Variants in GPC6 observed in about 807,000 individuals in gnomAD.
GPC6 encodes the protein glypican-6.
GPC6 carries 14 observed loss-of-function variants against 55.2 expected under a neutral mutation model. The observed-to-expected ratio is 0.25, with a 90% CI of 0.17 to 0.40. GPC6 has a LOEUF of 0.40. Among genes scored for constraint, GPC6 ranks in the 10% least tolerant of loss-of-function variants. The pLI is 1.00. For missense variants in GPC6, 641 were observed against 708.5 expected, an observed-to-expected ratio of 0.90 and a Z score of 1.08; for synonymous variants, 278 against 259.6, an observed-to-expected ratio of 1.07 and a Z score of -0.68.
intron 6 of GPC6, among the ~76,000 whole-genome samples, chr13:94,307,903 C>A (rs1876032864): frequency 6.6e-6 from 1 of 151,900 alleles, no homozygotes; most frequent in South Asian, 2.1e-4. Context: ...TTTGTAAAAT[C>A]TAATTTAAGA....
intron 4 of GPC6, among the ~76,000 whole-genome samples, chr13:94,039,621 A>C (rs117033695): frequency 1.3e-5 from 2 of 152,048 alleles, no homozygotes; most frequent in Non-Finnish European, 2.9e-5. Flanking sequence ...GTGGGACCAA[A>C]AGTGGAAACA....
intron 4 of GPC6, among the ~76,000 whole-genome samples, chr13:94,043,278 C>G (rs993098709): frequency 6.6e-6 from 1 of 151,808 alleles, no homozygotes. Context: ...CTATGAAGCC[C>G]TGTCTCCAAA....
At chr13:93,724,515 G>T (rs964067813) in intron 2 of GPC6, among the ~76,000 whole-genome samples, 49 of 152,024 alleles carry the variant, frequency 3.2e-4, no homozygotes, top group African/African-American at 1.1e-3. Flanking sequence ...TTAATGAAGT[G>T]TTTCTAAATA....
At chr13:94,195,621 C>T (rs1420550268) in intron 4 of GPC6, among the ~76,000 whole-genome samples, 1 of 152,152 alleles carries the variant, frequency 6.6e-6, no homozygotes, top group Non-Finnish European at 1.5e-5. Context: ...CCCCATAGGA[C>T]TGTCATGAGG....
At chr13:93,875,503 C>T (rs1335333085) in intron 3 of GPC6, among the ~76,000 whole-genome samples, 1 of 152,018 alleles carries the variant, frequency 6.6e-6, no homozygotes, top group African/African-American at 2.4e-5. Flanking sequence ...TAGTCTCTAC[C>T]AGCCCACCTG....
At chr13:93,455,217 A>C (rs55888448) in intron 1 of GPC6, among the ~76,000 whole-genome samples, 32,712 of 152,052 alleles carry the variant, frequency 0.22, 3,622 homozygotes, top group Middle Eastern at 0.29. Flanking sequence ...CCTTGGCCAG[A>C]CCAGAAAGGG....
At chr13:93,341,327 G>A (rs1278989821) in intron 1 of GPC6, among the ~76,000 whole-genome samples, 1 of 152,178 alleles carries the variant, frequency 6.6e-6, no homozygotes, top group African/African-American at 2.4e-5. Context: ...TTTCCATACT[G>A]TTTTCCATAG....
At chr13:93,273,891 C>T (rs1209036306) in intron 1 of GPC6, among the ~76,000 whole-genome samples, 3 of 151,808 alleles carry the variant, frequency 2.0e-5, no homozygotes, top group African/African-American at 2.4e-5. Context: ...TCACTGCAAC[C>T]TCTGCCTCCC....
At chr13:93,911,877 G>A (rs921512167) in intron 3 of GPC6, among the ~76,000 whole-genome samples, 2 of 152,176 alleles carry the variant, frequency 1.3e-5, no homozygotes, top group African/African-American at 4.8e-5. Context: ...TAATAGGTTT[G>A]GGTCAAATGA....
intron 4 of GPC6, among the ~76,000 whole-genome samples, chr13:94,204,421 G>A (rs772355961): frequency 1.3e-5 from 2 of 152,122 alleles, no homozygotes; most frequent in Non-Finnish European, 2.9e-5. Flanking sequence ...GCCTACAAAA[G>A]TGTGACAACA....
At chr13:94,235,748 T>C (rs960024293) in intron 4 of GPC6, among the ~76,000 whole-genome samples, 1 of 152,172 alleles carries the variant, frequency 6.6e-6, no homozygotes, top group African/African-American at 2.4e-5. Flanking sequence ...TTCAACTCTT[T>C]GGGTAAAATT....
At chr13:94,302,368 T>C (rs559760631) in intron 5 of GPC6, among the ~76,000 whole-genome samples, 2 of 152,296 alleles carry the variant, frequency 1.3e-5, no homozygotes, top group African/African-American at 4.8e-5. Context: ...GTTGTTTTTT[T>C]AATAAGGGCA....
chr13:94,131,669 C>CGT (rs1887005999), intron 4 of GPC6, among the ~76,000 whole-genome samples: 1 of 151,294 alleles, frequency 6.6e-6, no homozygotes, highest in African/African-American at 2.4e-5. Flanking sequence ...GGAAAGAGGC[C>CGT]GTGAGTCTGA....
At chr13:93,832,480 G>T (rs2138984813) in intron 3 of GPC6, among the ~76,000 whole-genome samples, 1 of 152,204 alleles carries the variant, frequency 6.6e-6, no homozygotes, top group East Asian at 1.9e-4. Context: ...TTCAAAGTAT[G>T]GATGGATATA....
At chr13:93,261,397 T>G (rs1047280941) in intron 1 of GPC6, among the ~76,000 whole-genome samples, 1 of 152,150 alleles carries the variant, frequency 6.6e-6, no homozygotes, top group Admixed American at 6.5e-5. Context: ...ACTAGGAGCA[T>G]TCACTGTGGT....
chr13:93,827,976 G>A (rs991312422), intron 2 of GPC6, among the ~76,000 whole-genome samples: 1 of 151,604 alleles, frequency 6.6e-6, no homozygotes, highest in Non-Finnish European at 1.5e-5. Context: ...TATTTCTCAA[G>A]ACTTTGGAAA....
At chr13:93,879,953 C>T (rs1015248738) in intron 3 of GPC6, among the ~76,000 whole-genome samples, 4 of 150,760 alleles carry the variant, frequency 2.7e-5, no homozygotes, top group African/African-American at 9.7e-5. Context: ...AGCCAAAAAA[C>T]ACATGAAAAA....
chr13:93,599,438 A>G (rs1877918160), intron 2 of GPC6, among the ~76,000 whole-genome samples: 2 of 152,126 alleles, frequency 1.3e-5, no homozygotes, highest in Admixed American at 1.3e-4. Context: ...ATTTGAGAGC[A>G]TTTTCAGGGC....
chr13:93,834,575 AGT>A (rs145637968), intron 3 of GPC6, among the ~76,000 whole-genome samples: 21 of 149,926 alleles, frequency 1.4e-4, no homozygotes, highest in Admixed American at 2.7e-4. Flanking sequence ...GTGCTTGAGG[AGT>A]GTGTGTGTGT....
Sources: allele counts gnomAD v4.1 joint callset (sites outside exome capture counted in the v4.1 genomes callset), GRCh38; gene constraint gnomAD v4.1.1; transcripts MANE v1.5; gene names NCBI Gene and HGNC (gene_info 2026-07-23, HGNC 2026-07-21).